SDK2: variants seen among roughly 807,000 people sequenced by gnomAD.
The protein encoded by SDK2 is protein sidekick-2.
In SDK2, 105 loss-of-function variants were observed where a neutral mutation model predicts 253.9. That is an observed-to-expected ratio of 0.41 (90% CI 0.35 to 0.49). The LOEUF is 0.49. SDK2 is among the 20% of genes least tolerant of loss of function. The probability of loss-of-function intolerance (pLI) is 0.06; values close to 1 mark genes in which losing one functional copy is unlikely to be tolerated. For missense variants in SDK2, 2,608 were observed against 3,003.0 expected, an observed-to-expected ratio of 0.87 and a Z score of 3.07; for synonymous variants, 1,249 against 1,234.9, an observed-to-expected ratio of 1.01 and a Z score of -0.24.
At chr17:73,422,170 G>A in intron 15 of SDK2, 117 bp downstream of exon 15, 5 of 1,144,900 alleles carry the variant, frequency 4.4e-6, no homozygotes, top group Non-Finnish European at 6.2e-6. Flanking sequence ...TTCTACAGAG[G>A]CGGAAGCCTA....
intron 1 of SDK2, among the ~76,000 whole-genome samples, chr17:73,627,157 A>T (rs1468633594): frequency 6.6e-6 from 1 of 152,190 alleles, no homozygotes; most frequent in African/African-American, 2.4e-5. Context: ...ATGTGTTAAT[A>T]CATGTGAGGC....
intron 18 of SDK2, among the ~76,000 whole-genome samples, chr17:73,405,490 ATATATATATATATATATATAT>A (rs2063067023): frequency 1.0e-5 from 1 of 98,228 alleles, no homozygotes; most frequent in African/African-American, 3.7e-5. Flanking sequence ...ATATATATAT[ATATATATATATATATATATAT>A]ATATATAAAG....
intron 1 of SDK2, among the ~76,000 whole-genome samples, chr17:73,617,286 G>A (rs1303301898): frequency 6.7e-6 from 1 of 148,514 alleles, no homozygotes; most frequent in African/African-American, 2.5e-5. Flanking sequence ...TCCAGGGGAG[G>A]GGAGAGGCCT....
chr17:73,477,634 A>T (rs1227998578), intron 2 of SDK2, among the ~76,000 whole-genome samples: 3 of 152,302 alleles, frequency 2.0e-5, no homozygotes, highest in African/African-American at 7.2e-5. Flanking sequence ...CAAATGTAAG[A>T]GTCATTGGCG....
chr17:73,503,450 G>A (rs1407366742), intron 2 of SDK2, among the ~76,000 whole-genome samples: 1 of 152,164 alleles, frequency 6.6e-6, no homozygotes. Flanking sequence ...AGCAGAAAAC[G>A]TGCATGTTTA....
intron 1 of SDK2, among the ~76,000 whole-genome samples, chr17:73,624,860 TG>T (rs1471480908): frequency 2.0e-5 from 3 of 152,206 alleles, no homozygotes; most frequent in Admixed American, 1.3e-4. Flanking sequence ...GCAGTTACTC[TG>T]CACCAGATAC....
chr17:73,593,147 A>C (rs142863796), intron 1 of SDK2, among the ~76,000 whole-genome samples: 1 of 152,034 alleles, frequency 6.6e-6, no homozygotes, highest in Non-Finnish European at 1.5e-5. Context: ...TCTTCCCTCG[A>C]CAGGCTGGGT....
In SDK2 at chr17:73,379,106, T is replaced by A; in HGVS notation, c.4980+71A>T. 1 of 1,166,364 alleles carries A rather than the reference T, an allele frequency of 8.6e-7. No homozygotes were observed. The highest frequency in any genetic ancestry group is 1.2e-6 in the Non-Finnish European group (1 of 806,088). The allele number at this position is 1,166,364 out of a possible 1,614,324, so 72.3% of individuals were successfully genotyped here. ...TGGGGACCTGCCTGCCTCCCACATATCACTCACTCCCCAGCCTCCGACCTG... is the reference window on the plus strand; with the variant it reads ...TGGGGACCTGCCTGCCTCCCACATAACACTCACTCCCCAGCCTCCGACCTG... On this transcript the variant is annotated intron_variant, in intron 36 of 44. Transcript: ENST00000392650. This position sits in a 1 kb window ranked among gnomAD's most constrained non-coding sequence, Gnocchi z 4.5.
At chr17:73,569,130 T>A (rs1160436439) in intron 1 of SDK2, among the ~76,000 whole-genome samples, 1 of 152,060 alleles carries the variant, frequency 6.6e-6, no homozygotes, top group Non-Finnish European at 1.5e-5. Context: ...ATCACACAGC[T>A]AGTAGTAAGA....
intron 1 of SDK2, among the ~76,000 whole-genome samples, chr17:73,554,213 AG>A (rs1457449257): frequency 9.8e-5 from 15 of 152,324 alleles, no homozygotes; most frequent in Admixed American, 7.2e-4. Context: ...GCGCAATGCC[AG>A]GCACACAGGG....
intron 12 of SDK2, 129 bp from the exon 13 acceptor site, chr17:73,424,221 C>A (rs930768130): frequency 4.1e-6 from 3 of 725,744 alleles, no homozygotes; most frequent in Non-Finnish European, 4.5e-6. Context: ...AACAGCCAGG[C>A]AGGACACTGG....
intron 1 of SDK2, among the ~76,000 whole-genome samples, chr17:73,588,780 G>A (rs1441497671): frequency 2.6e-5 from 4 of 152,384 alleles, no homozygotes; most frequent in South Asian, 2.1e-4. Flanking sequence ...GCCTAGGGCC[G>A]GGGCGGCACA....
At chr17:73,476,640 CAG>C (rs2063687981) in intron 2 of SDK2, among the ~76,000 whole-genome samples, 2 of 152,068 alleles carry the variant, frequency 1.3e-5, no homozygotes, top group Admixed American at 1.3e-4. Flanking sequence ...TTTTTAGAGA[CAG>C]GGTCTCATTT....
chr17:73,418,993 T>C lies in SDK2; in HGVS notation c.2186+173A>G, dbSNP rs6501633. On this transcript the variant is annotated intron_variant, in intron 16 of 44. Coordinates refer to ENST00000392650, the MANE Select transcript of SDK2 (RefSeq NM_001144952.2). ...GGGGTCTTGCCACTGGAAGTTCTAC[T>C]AGGTGTCCAACCTAAATCCTTCCTA... Among the ~76,000 whole-genome samples, 105,592 of 151,992 alleles carry C rather than the reference T, an allele frequency of 0.69. 37,597 individuals are homozygous for C. The highest frequency in any genetic ancestry group is 0.76 in the Non-Finnish European group (51,596 of 67,980).
intron 4 of SDK2, among the ~76,000 whole-genome samples, chr17:73,451,116 C>T (rs977557281): frequency 3.3e-5 from 5 of 152,222 alleles, no homozygotes; most frequent in African/African-American, 2.4e-5. Context: ...GCCTCCTGCG[C>T]GATCCTCATG....
Position 73,337,158 on chromosome 17 carries a change from A to C in SDK2, c.*1429T>G, listed in dbSNP as rs1187459262. 1 of 152,058 alleles carries C rather than the reference A, an allele frequency of 6.6e-6. No homozygotes were observed. Among genetic ancestry groups the C allele is most frequent in the East Asian group, 1.9e-4 (1 of 5,144 alleles). 9.4% of individuals were successfully genotyped at this position (152,058 alleles called of 1,614,324 possible). ...TGCCCCTGCTGGGCGTGCAATTCAA[A>C]TGCTGGGTCCACTTTGGACTGAGCT... is the stretch of plus-strand genomic sequence containing the variant. On this transcript the variant is annotated 3_prime_UTR_variant, in exon 45 of 45. Transcript: ENST00000392650.
At chr17:73,624,445 TG>T (rs773032762) in intron 1 of SDK2, among the ~76,000 whole-genome samples, 149 of 152,336 alleles carry the variant, frequency 9.8e-4, no homozygotes, top group Admixed American at 2.2e-3. Flanking sequence ...GAGGTTGCAG[TG>T]AGCCGAGATT....
At chr17:73,634,327 C>A (rs1167591723) in intron 1 of SDK2, among the ~76,000 whole-genome samples, 1 of 152,234 alleles carries the variant, frequency 6.6e-6, no homozygotes, top group African/African-American at 2.4e-5. Context: ...AGCTGACCTG[C>A]ATTCATCATC....
chr17:73,516,266 G>C lies in SDK2; in HGVS notation c.65-8669C>G, dbSNP rs190297100. Among the ~76,000 whole-genome samples, 10 of 152,356 alleles carry C rather than the reference G, an allele frequency of 6.6e-5. No individual in the cohort carries two copies. The East Asian group carries it at 1.5e-3, about 24-fold the overall frequency. Reference sequence around the variant, plus strand: ...CTGCGTGGATTGGTCCCACAACATTGGTCAAACCCAGGTGGGAGATGGTAC... The same window carrying C: ...CTGCGTGGATTGGTCCCACAACATTCGTCAAACCCAGGTGGGAGATGGTAC... On this transcript the variant is annotated intron_variant, in intron 1 of 44. Coordinates refer to ENST00000392650, the MANE Select transcript of SDK2 (RefSeq NM_001144952.2).
Sources: gnomAD v4.1 joint callset for allele counts (sites outside exome capture counted in the v4.1 genomes callset) on GRCh38, gnomAD v4.1.1 for gene constraint, Gnocchi (gnomAD v3.1) non-coding constraint, MANE v1.5 for transcripts, NCBI Gene and HGNC (gene_info 2026-07-23, HGNC 2026-07-21) for gene names.